The following TDRD7 variants were observed in gnomAD, a reference collection of about 807,000 sequenced individuals.
TDRD7 encodes tudor domain containing 7.
In TDRD7, 47 loss-of-function variants were observed where a neutral mutation model predicts 109.8. The ratio of observed to expected loss-of-function variants is 0.43; its 90% CI spans 0.34 to 0.55. TDRD7 has a LOEUF of 0.55. Ranked by LOEUF, TDRD7 falls within the 20% of genes least tolerant of loss-of-function variation. The probability of loss-of-function intolerance (pLI) is 0.03; values close to 1 mark genes in which losing one functional copy is unlikely to be tolerated. For synonymous variants in TDRD7, 424 were observed against 457.3 expected, an observed-to-expected ratio of 0.93 and a Z score of 0.93; for missense variants, 1,164 against 1,319.2, an observed-to-expected ratio of 0.88 and a Z score of 1.82.
chr9:97,419,073 C>G (rs560391751), intron 1 of TDRD7, among the ~76,000 whole-genome samples: 1 of 152,086 alleles, frequency 6.6e-6, no homozygotes, highest in Admixed American at 6.5e-5. Flanking sequence ...CTGGTCACAC[C>G]CAGATGGATA....
intron 6 of TDRD7, among the ~76,000 whole-genome samples, chr9:97,458,898 G>A (rs1396910906): frequency 6.6e-6 from 1 of 152,140 alleles, no homozygotes; most frequent in Non-Finnish European, 1.5e-5. Flanking sequence ...CCTAAGCATT[G>A]TATGGAGAGT....
intron 6 of TDRD7, among the ~76,000 whole-genome samples, chr9:97,453,234 A>G (rs1396274106): frequency 6.6e-6 from 1 of 152,198 alleles, no homozygotes; most frequent in Non-Finnish European, 1.5e-5. Context: ...GGTGGGCTTT[A>G]CAGGCTCATC....
At chr9:97,420,274 C>G (rs946313093) in intron 1 of TDRD7, among the ~76,000 whole-genome samples, 31 of 148,672 alleles carry the variant, frequency 2.1e-4, no homozygotes, top group Non-Finnish European at 3.8e-4. Flanking sequence ...TGACAGAAAG[C>G]AGATTGGTAG....
rs866573292 is a variant in TDRD7, at chr9:97,494,710, A to T, written c.3077-953A>T. ...TATATATATGTATATATATATATATATATTTTTTTTTTTTTCGAGAGGGTC... is the reference window on the plus strand; with the variant it reads ...TATATATATGTATATATATATATATTTATTTTTTTTTTTTTCGAGAGGGTC... On this transcript the variant is annotated intron_variant, in intron 16 of 16. Coordinates refer to ENST00000355295, the MANE Select transcript of TDRD7 (RefSeq NM_014290.3). Among the ~76,000 whole-genome samples, 184 of 99,716 alleles carry T rather than the reference A, an allele frequency of 1.8e-3. 1 individual carries two copies. Among genetic ancestry groups the T allele is most frequent in the East Asian group, 0.012 (44 of 3,664 alleles). The allele number at this position is 99,716 out of a possible 152,430, so 65.4% of individuals were successfully genotyped here.
chr9:97,420,627 T>C (rs1827884221), intron 1 of TDRD7, among the ~76,000 whole-genome samples: 1 of 152,204 alleles, frequency 6.6e-6, no homozygotes, highest in African/African-American at 2.4e-5. Context: ...TTTCTATTAC[T>C]GAATAGTATT....
At chr9:97,423,041 A>G (rs1229746824) in intron 1 of TDRD7, among the ~76,000 whole-genome samples, 2 of 152,220 alleles carry the variant, frequency 1.3e-5, no homozygotes, top group Non-Finnish European at 2.9e-5. Flanking sequence ...CTTGCCTCAT[A>G]AAATGAGTTC....
chr9:97,489,069 G>T (rs147444835), intron 16 of TDRD7, among the ~76,000 whole-genome samples: 1 of 152,110 alleles, frequency 6.6e-6, no homozygotes, highest in Non-Finnish European at 1.5e-5. Flanking sequence ...AATGTGGTTC[G>T]TCTTGATGAA....
At chr9:97,474,551 G>A (rs550383229) in intron 11 of TDRD7, among the ~76,000 whole-genome samples, 3 of 152,162 alleles carry the variant, frequency 2.0e-5, no homozygotes, top group South Asian at 4.1e-4. Context: ...AATATGTGCC[G>A]AATCAGCTTA....
intron 13 of TDRD7, 95 bp downstream of exon 13, chr9:97,478,668 T>C: frequency 6.4e-7 from 1 of 1,569,210 alleles, no homozygotes; most frequent in Non-Finnish European, 8.8e-7. Flanking sequence ...ATCTCATTAA[T>C]TTTTAAGAAA....
At chr9:97,441,934 T>G in intron 6 of TDRD7, 59 bp downstream of exon 6, 1 of 1,416,098 alleles carries the variant, frequency 7.1e-7, no homozygotes, top group Non-Finnish European at 1.0e-6. Context: ...TTTGAGATCT[T>G]GAGTTATTAG....
intron 6 of TDRD7, among the ~76,000 whole-genome samples, chr9:97,442,115 T>A (rs1449515655): frequency 2.6e-5 from 4 of 152,228 alleles, no homozygotes; most frequent in Admixed American, 2.6e-4. Context: ...ATGTCATTTT[T>A]AAAATGCATT....
intron 7 of TDRD7, among the ~76,000 whole-genome samples, chr9:97,461,525 A>G (rs1298158820): frequency 1.3e-5 from 2 of 152,218 alleles, no homozygotes; most frequent in Non-Finnish European, 2.9e-5. Flanking sequence ...GTTGCCTGAG[A>G]GGAGGTGTCA....
At chr9:97,447,910 T>G (rs889255398) in intron 6 of TDRD7, among the ~76,000 whole-genome samples, 1 of 152,216 alleles carries the variant, frequency 6.6e-6, no homozygotes, top group African/African-American at 2.4e-5. Flanking sequence ...ACTTGAAGTT[T>G]ATCCTAATAT....
chr9:97,441,821 A>G lies in TDRD7; in HGVS notation c.801A>G (p.Glu267=), dbSNP rs1305461205. The G allele has an allele frequency of 6.2e-7, 1 of 1,613,742 alleles. No individual in the cohort carries two copies. The highest frequency in any genetic ancestry group is 8.5e-7 in the Non-Finnish European group (1 of 1,179,838). ...LPHFYKELYK[E]DLNQGILQQF... ...ATTTTTACAAAGAGTTATATAAAGA[A>G]GACCTTAATCAAGGAATTTTACAAC... The change falls in exon 6 of 17, where the codon GAA becomes GAG. Residue 267 remains glutamate, a synonymous_variant. Transcript: ENST00000355295.
At chr9:97,428,704 C>T in intron 2 of TDRD7, 32 bp downstream of exon 2, 1 of 1,597,506 alleles carries the variant, frequency 6.3e-7, no homozygotes. Context: ...TCAGAAGAAT[C>T]AAACCAATTC....
chr9:97,441,685 C>T lies in TDRD7; in HGVS notation c.665C>T (p.Pro222Leu). The change falls in exon 6 of 17, where the codon CCC (proline) becomes CTC (leucine). Residue 222 changes from proline to leucine, a missense_variant. Pro to Leu is a moderately conservative substitution (Grantham distance 98). Coordinates refer to ENST00000355295, the MANE Select transcript of TDRD7 (RefSeq NM_014290.3). ...AATTTAAATCAGACTGTTGAAAAAC[C>T]CAATGTCAAGCCTCCTGCCTCTTAC... Reference protein sequence around the residue: ...SDNLNQTVEKPNVKPPASYTY... With the variant: ...SDNLNQTVEKLNVKPPASYTY... 6.2e-7 allele frequency: 1 copy of T among 1,611,806 alleles called. No homozygotes were observed. The highest frequency in any genetic ancestry group is 8.5e-7 in the Non-Finnish European group (1 of 1,179,512).
chr9:97,476,014 A>G (rs1198386829), intron 12 of TDRD7, among the ~76,000 whole-genome samples: 4 of 152,130 alleles, frequency 2.6e-5, no homozygotes, highest in Admixed American at 6.5e-5. Context: ...CTGATGATGG[A>G]TATTTAGATT....
chr9:97,416,185 A>G (rs1827807500), intron 1 of TDRD7, among the ~76,000 whole-genome samples: 1 of 152,206 alleles, frequency 6.6e-6, no homozygotes, highest in Non-Finnish European at 1.5e-5. Context: ...TTGTTTGCAA[A>G]TAGAGAGTTA....
chr9:97,431,975 TG>T, intron 3 of TDRD7, 49 bp from the exon 4 acceptor site: 1 of 1,511,054 alleles, frequency 6.6e-7, no homozygotes, highest in Non-Finnish European at 9.2e-7. Flanking sequence ...ATAATGAAAG[TG>T]GGGTTTGGGG....
Sources: allele counts gnomAD v4.1 joint callset (sites outside exome capture counted in the v4.1 genomes callset), GRCh38; gene constraint gnomAD v4.1.1; transcripts MANE v1.5; gene names NCBI Gene and HGNC (gene_info 2026-07-23, HGNC 2026-07-21).